VPS13B: variants seen among roughly 807,000 people sequenced by gnomAD.
The protein encoded by VPS13B is vacuolar protein sorting 13 homolog B.
In VPS13B, 285 loss-of-function variants were observed where a neutral mutation model predicts 426.4. The ratio of observed to expected loss-of-function variants is 0.67; its 90% CI spans 0.61 to 0.74. VPS13B has a LOEUF of 0.74. VPS13B is among the 30% of genes least tolerant of loss of function. VPS13B has a pLI of 0.00. For missense variants in VPS13B, 4,537 were observed against 4,782.6 expected, an observed-to-expected ratio of 0.95 and a Z score of 1.51; for synonymous variants, 1,676 against 1,676.4, an observed-to-expected ratio of 1.00 and a Z score of 0.01.
intron 39 of VPS13B, among the ~76,000 whole-genome samples, chr8:99,762,577 TTA>T (rs1171656888): frequency 6.6e-6 from 1 of 152,194 alleles, no homozygotes; most frequent in African/African-American, 2.4e-5. Flanking sequence ...GATTCATAGT[TTA>T]TTATTTTCTT....
chr8:99,710,005 A>C (rs1832645264), intron 36 of VPS13B, among the ~76,000 whole-genome samples: 1 of 152,236 alleles, frequency 6.6e-6, no homozygotes, highest in Admixed American at 6.5e-5. Context: ...CAATTGGGTA[A>C]GTAACTTTAA....
At chr8:99,137,530 G>GT (rs1388093243) in intron 12 of VPS13B, among the ~76,000 whole-genome samples, 2 of 149,066 alleles carry the variant, frequency 1.3e-5, no homozygotes, top group African/African-American at 2.5e-5. Flanking sequence ...AGAAGTGTGG[G>GT]TAAAAAAAAA....
At chr8:99,242,937 A>C (rs982355093) in intron 17 of VPS13B, among the ~76,000 whole-genome samples, 1 of 152,172 alleles carries the variant, frequency 6.6e-6, no homozygotes, top group Non-Finnish European at 1.5e-5. Flanking sequence ...CATTTTATCT[A>C]GCAAAATTTC....
intron 19 of VPS13B, among the ~76,000 whole-genome samples, chr8:99,314,188 C>T (rs1821180311): frequency 6.6e-6 from 1 of 152,090 alleles, no homozygotes; most frequent in Non-Finnish European, 1.5e-5. Flanking sequence ...CCCCCACTGT[C>T]CAACAAGCCC....
chr8:99,133,577 C>T (rs1027354333), intron 8 of VPS13B, among the ~76,000 whole-genome samples: 1 of 152,158 alleles, frequency 6.6e-6, no homozygotes, highest in South Asian at 2.1e-4. Context: ...TAAGCTTAAT[C>T]ATTTCTAGCT....
chr8:99,689,276 A>G (rs1037539583), intron 35 of VPS13B, among the ~76,000 whole-genome samples: 6 of 150,832 alleles, frequency 4.0e-5, no homozygotes, highest in African/African-American at 1.5e-4. Context: ...GCATTCAGTT[A>G]GTACTTCCTG....
intron 31 of VPS13B, among the ~76,000 whole-genome samples, chr8:99,567,192 C>T (rs1175905170): frequency 2.6e-5 from 4 of 152,276 alleles, no homozygotes; most frequent in South Asian, 4.1e-4. Context: ...TACCCCTAGT[C>T]GCTCCCTCTT....
chr8:99,147,537 A>G (rs1405823013), intron 13 of VPS13B, among the ~76,000 whole-genome samples: 1 of 152,038 alleles, frequency 6.6e-6, no homozygotes, highest in Non-Finnish European at 1.5e-5. Context: ...TCTTGCCTTT[A>G]CATTATCTCA....
chr8:99,751,664 C>A (rs1406500828), intron 39 of VPS13B, among the ~76,000 whole-genome samples: 1 of 152,132 alleles, frequency 6.6e-6, no homozygotes, highest in Non-Finnish European at 1.5e-5. Context: ...TTTAAACATA[C>A]ATTTCTATAT....
At chr8:99,766,682 T>G in intron 39 of VPS13B, 92 bp from the exon 40 acceptor site, 1 of 1,148,836 alleles carries the variant, frequency 8.7e-7, no homozygotes, top group East Asian at 2.6e-5. Flanking sequence ...GTCTTAATGT[T>G]ATAATTTTTA....
intron 15 of VPS13B, among the ~76,000 whole-genome samples, chr8:99,166,042 C>G (rs372006302): frequency 6.6e-6 from 1 of 152,150 alleles, no homozygotes; most frequent in African/African-American, 2.4e-5. Flanking sequence ...TGCAATGGCA[C>G]GATCTTGGCT....
chr8:99,665,112 T>A (rs1331711168), intron 35 of VPS13B, among the ~76,000 whole-genome samples: 1 of 152,206 alleles, frequency 6.6e-6, no homozygotes, highest in Non-Finnish European at 1.5e-5. Context: ...TACATAAATG[T>A]CTTCTTTTGA....
chr8:99,201,358 T>C (rs767486947), intron 17 of VPS13B, among the ~76,000 whole-genome samples: 10 of 152,152 alleles, frequency 6.6e-5, no homozygotes, highest in Non-Finnish European at 1.3e-4. Context: ...ACTAAGAATT[T>C]GAAAAGACTA....
intron 21 of VPS13B, among the ~76,000 whole-genome samples, chr8:99,406,166 C>G (rs532812617): frequency 8.6e-5 from 13 of 151,996 alleles, no homozygotes; most frequent in Admixed American, 5.2e-4. Flanking sequence ...ACCACTCACC[C>G]AGGATTCTTT....
intron 34 of VPS13B, among the ~76,000 whole-genome samples, chr8:99,659,588 T>C (rs992530007): frequency 2.6e-5 from 4 of 152,194 alleles, no homozygotes; most frequent in African/African-American, 7.2e-5. Context: ...TCTAGAAAAA[T>C]GTAGAAAGTT....
intron 21 of VPS13B, among the ~76,000 whole-genome samples, chr8:99,396,827 A>T (rs983957240): frequency 3.3e-5 from 5 of 152,018 alleles, no homozygotes; most frequent in African/African-American, 4.8e-5. Flanking sequence ...CCTGGATGAG[A>T]CTCAAAAGTG....
At chr8:99,817,062 T>C (rs900408012) in intron 44 of VPS13B, among the ~76,000 whole-genome samples, 2 of 152,206 alleles carry the variant, frequency 1.3e-5, no homozygotes, top group East Asian at 2.0e-4. Context: ...ACTTCTCTTA[T>C]GGCTTCAGCA....
rs566554881 is a variant in VPS13B, at chr8:99,741,500, C to T, written c.7050+20453C>T. Among the ~76,000 whole-genome samples, 810 of 152,156 alleles carry T rather than the reference C, an allele frequency of 5.3e-3. 7 individuals carry two copies. The highest frequency in any genetic ancestry group is 0.018 in the African/African-American group (751 of 41,534). On this transcript the variant is annotated intron_variant, in intron 39 of 61. Coordinates refer to ENST00000357162, the MANE Select transcript of VPS13B (RefSeq NM_152564.5). ...TAATAGACATCTACAGAACTCTCCA[C>T]CCCAAATCAACAGAATATACATTCT...
rs370849071 is a variant in VPS13B, at chr8:99,013,745, G to A, written c.-29-15G>A. ...TCTACCGCCGACTTCTAACGTTTCTGTCTACTCCTTTCAGCTTCCGACTTC... is the reference window on the plus strand; with the variant it reads ...TCTACCGCCGACTTCTAACGTTTCTATCTACTCCTTTCAGCTTCCGACTTC... On this transcript the variant is annotated splice_polypyrimidine_tract_variant and intron_variant, in intron 1 of 61. Transcript: ENST00000357162. The A allele has an allele frequency of 9.3e-6, 15 of 1,613,112 alleles. No homozygotes were observed. The African/African-American group carries it at 1.7e-4, about 19-fold the overall frequency.
Sources: allele counts gnomAD v4.1 joint callset (sites outside exome capture counted in the v4.1 genomes callset), GRCh38; gene constraint gnomAD v4.1.1; transcripts MANE v1.5; gene names NCBI Gene and HGNC (gene_info 2026-07-23, HGNC 2026-07-21).